Variants in ZNF560 observed in about 807,000 individuals in gnomAD.
ZNF560 encodes zinc finger protein 560.
In ZNF560, 54 loss-of-function variants were observed where a neutral mutation model predicts 81.8. That is an observed-to-expected ratio of 0.66 (90% CI 0.53 to 0.83). The LOEUF is 0.83. Among genes scored for constraint, ZNF560 ranks in the 40% least tolerant of loss-of-function variants. ZNF560 has a pLI of 0.00. For missense variants in ZNF560, 940 were observed against 932.4 expected, an observed-to-expected ratio of 1.01 and a Z score of -0.11; for synonymous variants, 321 against 317.9, an observed-to-expected ratio of 1.01 and a Z score of -0.10.
chr19:9,474,101 TG>T, intron 4 of ZNF560, 97 bp downstream of exon 4: 1 of 1,374,200 alleles, frequency 7.3e-7, no homozygotes, highest in Non-Finnish European at 1.0e-6. Context: ...ACAACGTCTC[TG>T]GTGAATTCAG....
chr19:9,466,967 T>C lies in ZNF560; in HGVS notation c.1980A>G (p.Ala660=), dbSNP rs768808039. The C allele has an allele frequency of 3.1e-6, 5 of 1,614,124 alleles. No individual in the cohort carries two copies. Among genetic ancestry groups the C allele is most frequent in the Admixed American group, 3.3e-5 (2 of 60,024 alleles). Residue 660 remains alanine (A), a synonymous_variant, in exon 10 of 10, where the codon GCA becomes GCG. Coordinates refer to ENST00000301480, the MANE Select transcript of ZNF560 (RefSeq NM_152476.3). The part of the protein sequence containing the change: ...HTGYKPYKCN[A]CEKAYSRSCV... ...AAGACCTACTGTAAGCTTTTTCACA[T>C]GCATTACATTTATAGGGTTTATATC...
At chr19:9,460,295 C>T in the ZNF560 span, among the ~76,000 whole-genome samples, 1 of 152,144 alleles carries the variant, frequency 6.6e-6, no homozygotes, top group Non-Finnish European at 1.5e-5. Context: ...GAAGCTGTCA[C>T]AGATGGTGGA....
downstream of ZNF560, among the ~76,000 whole-genome samples, chr19:9,461,603 T>C (rs1294009744): frequency 6.6e-6 from 1 of 152,146 alleles, no homozygotes; most frequent in East Asian, 1.9e-4. Context: ...GCTGTGGAAC[T>C]CTCAAACTAA....
At chr19:9,488,990 C>A (rs1419822467) in intron 2 of ZNF560, among the ~76,000 whole-genome samples, 1 of 152,220 alleles carries the variant, frequency 6.6e-6, no homozygotes, top group South Asian at 2.1e-4. Context: ...TCCTGCTTCA[C>A]CTTCTGCCAT....
the ZNF560 span, among the ~76,000 whole-genome samples, chr19:9,503,763 C>T: frequency 5.9e-5 from 9 of 152,230 alleles, no homozygotes; most frequent in East Asian, 5.8e-4. Flanking sequence ...GTCATGAACT[C>T]GCAGCCTCAA....
intron 2 of ZNF560, among the ~76,000 whole-genome samples, chr19:9,479,988 T>C (rs1057293976): frequency 6.6e-6 from 1 of 152,228 alleles, no homozygotes; most frequent in South Asian, 2.1e-4. Context: ...AAATTAATAA[T>C]AGATCTGAAG....
chr19:9,452,417 A>G, the ZNF560 span, among the ~76,000 whole-genome samples: 3 of 152,158 alleles, frequency 2.0e-5, no homozygotes, highest in Admixed American at 1.3e-4. Flanking sequence ...CCCAAAAGAA[A>G]ATAGATTTTT....
chr19:9,497,654 A>T (rs2073583682), intron 2 of ZNF560, among the ~76,000 whole-genome samples: 1 of 152,170 alleles, frequency 6.6e-6, no homozygotes, highest in African/African-American at 2.4e-5. Context: ...ACGCTAAAAA[A>T]CAGGTGCAGC....
the ZNF560 span, among the ~76,000 whole-genome samples, chr19:9,447,020 G>A: frequency 6.6e-6 from 1 of 151,664 alleles, no homozygotes; most frequent in Non-Finnish European, 1.5e-5. Flanking sequence ...TATAGTCCCA[G>A]CTACTCGAGA....
chr19:9,452,198 A>T, the ZNF560 span, among the ~76,000 whole-genome samples: 1 of 152,212 alleles, frequency 6.6e-6, no homozygotes, highest in African/African-American at 2.4e-5. Flanking sequence ...GAGAAATGCA[A>T]ATCAAAACCA....
Position 9,486,631 on chromosome 19 carries a change from T to A in ZNF560, c.-56-11262A>T, listed in dbSNP as rs139678420. Among the ~76,000 whole-genome samples, 162 of 151,844 alleles carry A rather than the reference T, an allele frequency of 1.1e-3. 1 individual carries two copies. The highest frequency in any genetic ancestry group is 3.8e-3 in the African/African-American group (159 of 41,386). ...GGCAGGTGCCTGTAATCTCAGACAC[T>A]TGGGAGACTGAGGCAGGAGAATCAC... is the stretch of plus-strand genomic sequence containing the variant. On this transcript the variant is annotated intron_variant, in intron 2 of 9. Transcript: ENST00000301480.
chr19:9,489,469 A>T (rs772810684), intron 2 of ZNF560, among the ~76,000 whole-genome samples: 2 of 151,924 alleles, frequency 1.3e-5, no homozygotes, highest in Non-Finnish European at 2.9e-5. Context: ...GATGCTCCTC[A>T]CTTTCCAGAC....
In ZNF560 at chr19:9,471,299, T is replaced by C. The variant is rs764745862; in HGVS notation, c.318A>G (p.Gln106=). 1.9e-6 allele frequency: 3 copies of C among 1,583,048 alleles called. No homozygotes were observed. The highest frequency in any genetic ancestry group is 8.6e-7 in the Non-Finnish European group (1 of 1,168,512). The stretch of plus-strand genomic sequence containing the variant: ...AAATACCCTTTCTTAACATTACCAT[T>C]TGTATCCCATTAGAAGTTTGTATTT... ...FWKIQTSNGI[Q]MDLVTFDSVA... Residue 106 remains glutamine, a synonymous_variant, in exon 6 of 10, where the codon CAA becomes CAG. Transcript: ENST00000301480.
intron 2 of ZNF560, among the ~76,000 whole-genome samples, chr19:9,485,807 A>G (rs985181105): frequency 1.1e-4 from 17 of 152,156 alleles, no homozygotes; most frequent in African/African-American, 3.9e-4. Flanking sequence ...AAGTACTGGG[A>G]TTACAGGCAT....
At chr19:9,458,300 A>G in the ZNF560 span, among the ~76,000 whole-genome samples, 6 of 152,186 alleles carry the variant, frequency 3.9e-5, no homozygotes, top group Non-Finnish European at 5.9e-5. Context: ...AACTAATTGG[A>G]TTCTCCCTAA....
At chr19:9,468,395 C>T (rs2073068529) in intron 9 of ZNF560, 61 bp from the exon 10 acceptor site, 1 of 1,232,346 alleles carries the variant, frequency 8.1e-7, no homozygotes, top group African/African-American at 1.5e-5. Flanking sequence ...ATAGATACCA[C>T]TCTTCTAAGA....
At position 9,466,866 on chromosome 19, in the gene ZNF560, C is replaced by T. The variant is rs148650284; in HGVS notation, c.2081G>A (p.Arg694Gln). The change falls in exon 10 of 10, where the codon CGA becomes CAA. Residue 694 changes from arginine (R) to glutamine (Q), a missense_variant. Coordinates refer to ENST00000301480, the MANE Select transcript of ZNF560 (RefSeq NM_152476.3). ...GCGATCATGAAAGCACATGGAATTT[C>T]GAAAGGAATTTCCACATGCGTTACA... ...SECNACGNSF[R>Q]NSMCFHDRLK... The T allele has an allele frequency of 1.8e-4, 294 of 1,613,796 alleles. No individual in the cohort carries two copies. Among genetic ancestry groups the T allele is most frequent in the African/African-American group, 2.1e-4 (16 of 74,960 alleles).
chr19:9,449,649 G>A, the ZNF560 span, among the ~76,000 whole-genome samples: 1 of 152,138 alleles, frequency 6.6e-6, no homozygotes, highest in African/African-American at 2.4e-5. Context: ...CATACTAAAT[G>A]GGCAAAAGCT....
intron 2 of ZNF560, among the ~76,000 whole-genome samples, chr19:9,494,269 G>A (rs2073521247): frequency 6.6e-6 from 1 of 152,122 alleles, no homozygotes; most frequent in Admixed American, 6.5e-5. Flanking sequence ...ATCAAAGTGT[G>A]TATAGATGGG....
Sources: gnomAD v4.1 joint callset for allele counts (sites outside exome capture counted in the v4.1 genomes callset) on GRCh38, gnomAD v4.1.1 for gene constraint, MANE v1.5 for transcripts, NCBI Gene and HGNC (gene_info 2026-07-23, HGNC 2026-07-21) for gene names.